MDM2: variants seen among roughly 807,000 people sequenced by gnomAD.
The protein encoded by MDM2 is MDM2 proto-oncogene, also known as E3 ubiquitin-protein ligase Mdm2.
Under a neutral mutation model 64.3 loss-of-function variants are expected in MDM2, and 11 were observed. That is an observed-to-expected ratio of 0.17 (90% CI 0.11 to 0.28). MDM2 has a LOEUF of 0.28. Among genes scored for constraint, MDM2 ranks in the 10% least tolerant of loss-of-function variants. MDM2 has a pLI of 1.00. For synonymous variants in MDM2, 194 were observed against 192.9 expected, an observed-to-expected ratio of 1.01 and a Z score of -0.05; for missense variants, 388 against 577.1, an observed-to-expected ratio of 0.67 and a Z score of 3.36.
chr12:68,808,656 T>C (rs1005322305), intron 1 of MDM2, among the ~76,000 whole-genome samples, 165 bp downstream of exon 1: 1 of 149,538 alleles, frequency 6.7e-6, no homozygotes, highest in Non-Finnish European at 1.5e-5. Context: ...GCGGAGGTTT[T>C]GTTGGACTGG....
chr12:68,833,603 GA>G (rs1355101640), intron 8 of MDM2, among the ~76,000 whole-genome samples: 4 of 151,438 alleles, frequency 2.6e-5, no homozygotes, highest in Admixed American at 6.6e-5. Flanking sequence ...TTTCTGTAAA[GA>G]GCCACATAGT....
In MDM2 at chr12:68,839,595, C is replaced by G; in HGVS notation, c.1240C>G (p.Gln414Glu). 1.2e-6 allele frequency: 2 copies of G among 1,613,016 alleles called. No homozygotes were observed. Among genetic ancestry groups the G allele is most frequent in the Non-Finnish European group, 1.7e-6 (2 of 1,179,936 alleles). ...STSSSIIYSS[Q>E]EDVKEFEREE... ...TTCTAGTAGCATTATTTATAGCAGC[C>G]AAGAAGATGTGAAAGAGTTTGAAAG... The change falls in exon 11 of 11, where the codon CAA becomes GAA. Residue 414 changes from glutamine (Q) to glutamate (E), a missense_variant. Physicochemically the swap from Gln to Glu is conservative, Grantham distance 29. This residue lies in a region of MDM2 where 138 missense variants were observed against 143.7 expected (regional missense o/e 0.96). Transcript: ENST00000258149.
chr12:68,836,099 TG>T, intron 9 of MDM2, 115 bp downstream of exon 9: 1 of 955,694 alleles, frequency 1.0e-6, no homozygotes, highest in Non-Finnish European at 1.5e-6. Flanking sequence ...CTTTACCTCT[TG>T]ATTTGTTTAA....
In MDM2 at chr12:68,842,845, C is replaced by A; in HGVS notation, c.*2996C>A. On this transcript the variant is annotated 3_prime_UTR_variant, in exon 11 of 11. Coordinates refer to ENST00000258149, the MANE Select transcript of MDM2 (RefSeq NM_002392.6). ...ATTTTGGTTTATTAGTGTCTTAGAA[C>A]AAAATGGCCTTATATAATGAAGCCT... 4.9e-6 allele frequency: 1 copy of A among 203,510 alleles called. No individual in the cohort carries two copies. 12.6% of individuals were successfully genotyped at this position (203,510 alleles called of 1,614,324 possible).
chr12:68,831,090 A>T (rs1882754168), intron 8 of MDM2, among the ~76,000 whole-genome samples: 1 of 152,208 alleles, frequency 6.6e-6, no homozygotes, highest in Admixed American at 6.6e-5. Flanking sequence ...TACCTGGGAC[A>T]CTGCCTTGTT....
chr12:68,808,807 G>T (rs1338150381), intron 1 of MDM2: 4 of 671,414 alleles, frequency 6.0e-6, no homozygotes, highest in Non-Finnish European at 7.4e-6. Context: ...GCTTCGGCGC[G>T]GGAGGTCCGG....
At position 68,840,048 on chromosome 12, in the gene MDM2, T is replaced by C. The variant is rs559130470; in HGVS notation, c.*199T>C. 1 of 511,576 alleles carries C rather than the reference T, an allele frequency of 2.0e-6. No homozygotes were observed. Among genetic ancestry groups the C allele is most frequent in the Admixed American group, 3.7e-5 (1 of 27,294 alleles). 31.7% of individuals were successfully genotyped at this position (511,576 alleles called of 1,614,324 possible). ...TTTGACTTGAATATGTAGCTCATCC[T>C]TTACACCAACTCCTAATTTTAAATA... On this transcript the variant is annotated 3_prime_UTR_variant, in exon 11 of 11. Coordinates refer to ENST00000258149, the MANE Select transcript of MDM2 (RefSeq NM_002392.6).
At chr12:68,822,128 A>C (rs529863902) in intron 5 of MDM2, among the ~76,000 whole-genome samples, 3 of 152,194 alleles carry the variant, frequency 2.0e-5, no homozygotes, top group African/African-American at 4.8e-5. Flanking sequence ...TAGGGGTTAC[A>C]GGCATGAGCC....
chr12:68,836,818 GCTT>G, intron 10 of MDM2, 69 bp downstream of exon 10: 1 of 920,788 alleles, frequency 1.1e-6, no homozygotes, highest in Non-Finnish European at 1.7e-6. Context: ...ACTATATCTA[GCTT>G]CTTTCTGAAA....
chr12:68,833,186 TAAATATA>T (rs1346858270), intron 8 of MDM2, among the ~76,000 whole-genome samples: 3 of 127,060 alleles, frequency 2.4e-5, no homozygotes, highest in Admixed American at 8.8e-5. Flanking sequence ...AAATAATGTA[TAAATATA>T]TAATATATAA....
intron 8 of MDM2, among the ~76,000 whole-genome samples, chr12:68,831,379 G>T (rs1053686194): frequency 1.3e-5 from 2 of 152,288 alleles, no homozygotes; most frequent in African/African-American, 4.8e-5. Flanking sequence ...GGATTGGTTT[G>T]ACCAGGCATG....
intron 3 of MDM2, among the ~76,000 whole-genome samples, chr12:68,814,138 C>T (rs1028929059): frequency 4.6e-5 from 7 of 152,168 alleles, no homozygotes; most frequent in African/African-American, 1.4e-4. Flanking sequence ...CTGCAACCTC[C>T]GCCTCCTAGA....
At chr12:68,808,717 C>T (rs1343529161) in intron 1 of MDM2, among the ~76,000 whole-genome samples, 1 of 111,582 alleles carries the variant, frequency 9.0e-6, no homozygotes, top group Non-Finnish European at 1.8e-5. Context: ...ACGGCTCTCG[C>T]GGCGGTGGGG....
intron 10 of MDM2, among the ~76,000 whole-genome samples, 166 bp downstream of exon 10, chr12:68,836,915 C>G (rs1232390536): frequency 6.7e-6 from 1 of 148,862 alleles, no homozygotes; most frequent in African/African-American, 2.5e-5. Flanking sequence ...GTGATGAGAC[C>G]TGTAGCTATA....
chr12:68,821,388 C>T (rs542746280), intron 5 of MDM2, among the ~76,000 whole-genome samples: 15 of 152,194 alleles, frequency 9.9e-5, no homozygotes, highest in Non-Finnish European at 1.8e-4. Context: ...GTCTCTAATA[C>T]ACTACACTGC....
At chr12:68,810,119 C>T (rs1176196274) in intron 2 of MDM2, among the ~76,000 whole-genome samples, 1 of 152,064 alleles carries the variant, frequency 6.6e-6, no homozygotes, top group African/African-American at 2.4e-5. Flanking sequence ...CAAGACTAGC[C>T]TGGCCAACAT....
In MDM2 at chr12:68,845,507, GTAAT is replaced by G. The variant is rs1884220692; in HGVS notation, c.*5659_*5662del. ...CTGTACTCAAATATTTAACGTTAGA[GTAAT>G]AGTATTTTGAATGAAAACCATAGTT... On this transcript the variant is annotated 3_prime_UTR_variant, in exon 11 of 11. Transcript: ENST00000258149. The G allele has an allele frequency of 5.1e-6, 1 of 197,498 alleles. No individual in the cohort carries two copies. Among genetic ancestry groups the G allele is most frequent in the African/African-American group, 2.3e-5 (1 of 43,304 alleles). 12.2% of individuals were successfully genotyped at this position (197,498 alleles called of 1,614,324 possible). A position where few individuals can be genotyped will look rare whatever the true frequency, so the allele number is the denominator to read the frequency against.
At chr12:68,826,270 ATAACTTGTG>A (rs1304619303) in intron 7 of MDM2, among the ~76,000 whole-genome samples, 1 of 152,162 alleles carries the variant, frequency 6.6e-6, no homozygotes, top group Non-Finnish European at 1.5e-5. Flanking sequence ...ATCAGTGCTA[ATAACTTGTG>A]TATTAGCACT....
chr12:68,824,284 C>G, intron 5 of MDM2, 79 bp from the exon 6 acceptor site: 1 of 949,550 alleles, frequency 1.1e-6, no homozygotes, highest in Non-Finnish European at 1.6e-6. Flanking sequence ...TTGTGTTAGA[C>G]TGATAGCATA....
Sources: allele counts gnomAD v4.1 joint callset (sites outside exome capture counted in the v4.1 genomes callset), GRCh38; gene constraint gnomAD v4.1.1; regional missense constraint gnomAD v4.1.1; transcripts MANE v1.5; gene names NCBI Gene and HGNC (gene_info 2026-07-23, HGNC 2026-07-21).